The following SLC7A11 variants were observed in gnomAD, a reference collection of about 807,000 sequenced individuals.
SLC7A11 encodes cystine/glutamate transporter.
In SLC7A11, 35 loss-of-function variants were observed where a neutral mutation model predicts 54.5. The ratio of observed to expected loss-of-function variants is 0.64; its 90% confidence interval spans 0.49 to 0.85. The LOEUF is 0.85. Ranked by LOEUF, SLC7A11 falls within the 40% of genes least tolerant of loss-of-function variation. SLC7A11 has a pLI of 0.00. For synonymous variants in SLC7A11, 230 were observed against 225.2 expected (o/e 1.02, Z -0.19); for missense variants, 583 against 618.1 (o/e 0.94, Z 0.60).
chr4:138,170,250 G>GTATATATATATATA lies in SLC7A11; in HGVS notation c.*1692_*1705dup, dbSNP rs1176136985. On this transcript the variant is annotated 3_prime_UTR_variant, in exon 12 of 12. Coordinates refer to ENST00000280612, the MANE Select transcript of SLC7A11 (RefSeq NM_014331.4). ...ATATAAAAAGTGTGTGTGTGTGTGT[G>GTATATATATATATA]TATATATATATATATATATATACAC... 5 of 74,106 alleles carry GTATATATATATATA rather than the reference G, an allele frequency of 6.7e-5. No individual in the cohort carries two copies. The East Asian group carries it at 2.2e-3, about 33-fold the overall frequency. The allele number at this position is 74,106 out of a possible 1,614,324, so 4.6% of individuals were successfully genotyped here. A position where few individuals can be genotyped will look rare whatever the true frequency, so the allele number is the denominator to read the frequency against.
intron 6 of SLC7A11, among the ~76,000 whole-genome samples, chr4:138,199,181 T>C (rs1272223241): frequency 6.6e-6 from 1 of 152,152 alleles, no homozygotes; most frequent in African/African-American, 2.4e-5. Context: ...ACTACATATA[T>C]GCACACGCAC....
At position 138,242,100 on chromosome 4, in the gene SLC7A11, G is replaced by T; in HGVS notation, c.-31C>A. ...GGACACACGGGGGAAAAATAAAACA[G>T]AGGGAAAGAAAACAAAACTTTCAAC... On this transcript the variant is annotated 5_prime_UTR_variant, in exon 1 of 12. In the 5' UTR this introduces an upstream ATG that the reference lacks. Transcript: ENST00000280612. 6.2e-7 allele frequency: 1 copy of T among 1,604,696 alleles called. No individual in the cohort carries two copies. Among genetic ancestry groups the T allele is most frequent in the South Asian group, 1.1e-5 (1 of 90,442 alleles).
Position 138,164,680 on chromosome 4 carries a change from C to T in SLC7A11, c.*7276G>A, listed in dbSNP as rs1736211128. 1.3e-5 allele frequency: 2 copies of T among 152,160 alleles called. No homozygotes were observed. Among genetic ancestry groups the T allele is most frequent in the Non-Finnish European group, 2.9e-5 (2 of 68,012 alleles). The allele number at this position is 152,160 out of a possible 1,614,324, so 9.4% of individuals were successfully genotyped here. A position where few individuals can be genotyped will look rare whatever the true frequency, so the allele number is the denominator to read the frequency against. On this transcript the variant is annotated 3_prime_UTR_variant, in exon 12 of 12. Coordinates refer to ENST00000280612, the MANE Select transcript of SLC7A11 (RefSeq NM_014331.4). ...TTGTATAAAATACACACAATCCCCT[C>T]TACTAAGTTTCATGATCACAGTGCC...
Position 138,218,812 on chromosome 4 carries a change from T to C in SLC7A11, c.746+454A>G, listed in dbSNP as rs142830818. 5.5e-3 allele frequency among the ~76,000 whole-genome samples: 845 copies of C among 152,294 alleles called. 9 individuals are homozygous for C. Among genetic ancestry groups the C allele is most frequent in the African/African-American group, 0.02 (811 of 41,564 alleles). ...TACCATTTACCTTCTGGGAATGTCA[T>C]ACTTATTTCTACATCTGAGTTACTT... On this transcript the variant is annotated intron_variant, in intron 5 of 11. Coordinates refer to ENST00000280612, the MANE Select transcript of SLC7A11 (RefSeq NM_014331.4).
At chr4:138,180,019 C>T (rs1296434677) in intron 10 of SLC7A11, among the ~76,000 whole-genome samples, 1 of 149,618 alleles carries the variant, frequency 6.7e-6, no homozygotes, top group Non-Finnish European at 1.5e-5. Context: ...CAAATCAATC[C>T]ATGAGTCAAG....
intron 6 of SLC7A11, among the ~76,000 whole-genome samples, chr4:138,207,305 G>T (rs541356147): frequency 6.6e-6 from 1 of 152,098 alleles, no homozygotes; most frequent in South Asian, 2.1e-4. Context: ...ATACAATATT[G>T]CTGTAATCTG....
intron 11 of SLC7A11, among the ~76,000 whole-genome samples, chr4:138,175,424 A>G (rs1226946849): frequency 1.3e-5 from 2 of 152,168 alleles, no homozygotes; most frequent in African/African-American, 4.8e-5. Context: ...ACAGCCAAGT[A>G]AAACAGCTGC....
chr4:138,206,078 T>A (rs1384162714), intron 6 of SLC7A11, among the ~76,000 whole-genome samples: 1 of 152,002 alleles, frequency 6.6e-6, no homozygotes, highest in Non-Finnish European at 1.5e-5. Flanking sequence ...GTTTCTCAAT[T>A]TATCATACAT....
At position 138,199,360 on chromosome 4, in the gene SLC7A11, T is replaced by C. The variant is rs72712343; in HGVS notation, c.792-14116A>G. Reference sequence around the variant, plus strand: ...AGGAGGAAATGCTATATACTGTTACTGAAAATACTTACCACAATCATAAAG... The same window carrying C: ...AGGAGGAAATGCTATATACTGTTACCGAAAATACTTACCACAATCATAAAG... On this transcript the variant is annotated intron_variant, in intron 6 of 11. Transcript: ENST00000280612. 2.9e-3 allele frequency among the ~76,000 whole-genome samples: 442 copies of C among 152,294 alleles called. 3 individuals are homozygous for C. Among genetic ancestry groups the C allele is most frequent in the Non-Finnish European group, 4.7e-3 (323 of 68,016 alleles).
In SLC7A11 at chr4:138,166,232, T is replaced by G. The variant is rs1736252129; in HGVS notation, c.*5724A>C. On this transcript the variant is annotated 3_prime_UTR_variant, in exon 12 of 12. Coordinates refer to ENST00000280612, the MANE Select transcript of SLC7A11 (RefSeq NM_014331.4). ...GCTTCCAAGTATGCATCTAATAAAG[T>G]TAGTTAGTAGGAAAATTTGATGTCT... The G allele has an allele frequency of 6.6e-6, 1 of 152,122 alleles. No individual in the cohort carries two copies. Among genetic ancestry groups the G allele is most frequent in the African/African-American group, 2.4e-5 (1 of 41,416 alleles). The allele number at this position is 152,122 out of a possible 1,614,324, so 9.4% of individuals were successfully genotyped here. A position where few individuals can be genotyped will look rare whatever the true frequency, so the allele number is the denominator to read the frequency against.
intron 8 of SLC7A11, 152 bp from the exon 9 acceptor site, chr4:138,182,545 G>A: frequency 1.7e-6 from 1 of 593,280 alleles, no homozygotes; most frequent in East Asian, 2.8e-5. Flanking sequence ...AAATAAGGTG[G>A]AGAAATATCA....
At chr4:138,223,128 G>A (rs1737856016) in intron 4 of SLC7A11, 71 bp downstream of exon 4, 1 of 1,402,530 alleles carries the variant, frequency 7.1e-7, no homozygotes, top group Non-Finnish European at 9.9e-7. Flanking sequence ...GTTAGTACAA[G>A]CAAAAGTTAG....
intron 1 of SLC7A11, among the ~76,000 whole-genome samples, chr4:138,237,406 GT>G (rs1441794693): frequency 2.0e-5 from 3 of 148,516 alleles, no homozygotes; most frequent in African/African-American, 2.5e-5. Flanking sequence ...TTTTTTGTTT[GT>G]TTTTTGTTTT....
In SLC7A11 at chr4:138,225,896, G is replaced by C. The variant is rs75545053; in HGVS notation, c.521-2572C>G. Reference sequence around the variant, plus strand: ...GAGAGGAAAGGAGAAGGATAAAAACGAAAAGAGGCAGGCAGGGAGGAAGGA... The same window carrying C: ...GAGAGGAAAGGAGAAGGATAAAAACCAAAAGAGGCAGGCAGGGAGGAAGGA... On this transcript the variant is annotated intron_variant, in intron 3 of 11. Coordinates refer to ENST00000280612, the MANE Select transcript of SLC7A11 (RefSeq NM_014331.4). 9.6e-3 allele frequency among the ~76,000 whole-genome samples: 1,458 copies of C among 152,112 alleles called. 38 individuals carry two copies. The highest frequency in any genetic ancestry group is 0.033 in the African/African-American group (1,372 of 41,528).
At chr4:138,200,894 T>G (rs1737263772) in intron 6 of SLC7A11, among the ~76,000 whole-genome samples, 1 of 152,148 alleles carries the variant, frequency 6.6e-6, no homozygotes, top group African/African-American at 2.4e-5. Flanking sequence ...AATATGATAA[T>G]TGAAACCATT....
chr4:138,195,542 A>G (rs980497183), intron 6 of SLC7A11, among the ~76,000 whole-genome samples: 2 of 149,804 alleles, frequency 1.3e-5, no homozygotes, highest in Non-Finnish European at 3.0e-5. Flanking sequence ...TCTCCCTGGC[A>G]TGCTGCTCCC....
At chr4:138,179,173 T>A in intron 11 of SLC7A11, 44 bp downstream of exon 11, 1 of 1,342,120 alleles carries the variant, frequency 7.5e-7, no homozygotes, top group East Asian at 2.3e-5. Context: ...ATGGGTTTTC[T>A]ACATGGTGTT....
intron 6 of SLC7A11, among the ~76,000 whole-genome samples, chr4:138,186,029 C>G (rs1736868333): frequency 6.6e-6 from 1 of 152,098 alleles, no homozygotes; most frequent in Admixed American, 6.6e-5. Context: ...GACGACCGGA[C>G]AGTGCTGACA....
chr4:138,216,007 G>A (rs1294725945), intron 5 of SLC7A11, among the ~76,000 whole-genome samples: 1 of 152,196 alleles, frequency 6.6e-6, no homozygotes, highest in Non-Finnish European at 1.5e-5. Flanking sequence ...AGGATGGTGA[G>A]TAGGAAGGAG....
Sources: allele counts gnomAD v4.1 joint callset (sites outside exome capture counted in the v4.1 genomes callset), GRCh38; gene constraint gnomAD v4.1.1; transcripts MANE v1.5; gene names NCBI Gene and HGNC (gene_info 2026-07-23, HGNC 2026-07-21).